The following FAM167A variants were observed in gnomAD, a reference collection of about 807,000 sequenced individuals.
FAM167A encodes the protein protein FAM167A.
In FAM167A, 23 loss-of-function variants were observed where a neutral mutation model predicts 14.9. That is an observed-to-expected ratio of 1.55 (90% CI 1.11 to 2.19). The LOEUF (loss-of-function observed/expected upper bound fraction) is 2.19, where lower values mean the gene tolerates loss of function less well. FAM167A is among the 30% of genes most tolerant of loss of function. FAM167A has a pLI of 0.00. For synonymous variants in FAM167A, 174 were observed against 117.7 expected (o/e 1.48, Z -3.10); for missense variants, 401 against 281.5 (o/e 1.42, Z -3.04).
intron 1 of FAM167A, among the ~76,000 whole-genome samples, chr8:11,463,432 C>G (rs1005799749): frequency 6.6e-6 from 1 of 152,202 alleles, no homozygotes; most frequent in African/African-American, 2.4e-5. Context: ...GGCCACCACC[C>G]TAAGCATGAG....
At chr8:11,472,710 C>T (rs995059523) in intron 1 of FAM167A, among the ~76,000 whole-genome samples, 3 of 152,142 alleles carry the variant, frequency 2.0e-5, no homozygotes, top group South Asian at 2.1e-4. Flanking sequence ...TGAGTAGGAG[C>T]CAGGAGATCC....
intron 1 of FAM167A, among the ~76,000 whole-genome samples, chr8:11,475,086 G>A (rs574265017): frequency 1.7e-3 from 256 of 152,246 alleles, no homozygotes; most frequent in Non-Finnish European, 2.3e-3. Flanking sequence ...TCTCATAAAG[G>A]CCTTGATCCA....
intron 2 of FAM167A, among the ~76,000 whole-genome samples, chr8:11,441,018 T>C (rs2117070754): frequency 6.6e-6 from 1 of 152,312 alleles, no homozygotes; most frequent in East Asian, 1.9e-4. Context: ...TTTTTGCAAG[T>C]TGCTTTCTAA....
intron 2 of FAM167A, among the ~76,000 whole-genome samples, chr8:11,427,362 C>CT (rs1056968557): frequency 5.3e-5 from 8 of 152,328 alleles, no homozygotes; most frequent in African/African-American, 1.9e-4. Context: ...GTAAGCAGCA[C>CT]TTTGTCACTG....
intron 2 of FAM167A, among the ~76,000 whole-genome samples, chr8:11,433,491 G>C (rs1297664844): frequency 6.6e-6 from 1 of 152,180 alleles, no homozygotes; most frequent in African/African-American, 2.4e-5. Flanking sequence ...GGTGAAATAA[G>C]GGCTGTGATG....
At chr8:11,429,650 C>A (rs1274275579) in intron 2 of FAM167A, among the ~76,000 whole-genome samples, 3 of 152,230 alleles carry the variant, frequency 2.0e-5, no homozygotes, top group Admixed American at 1.3e-4. Context: ...CTGGACCACA[C>A]TCGGGCCTGT....
At chr8:11,428,824 A>C (rs142088734) in intron 2 of FAM167A, among the ~76,000 whole-genome samples, 70 of 152,292 alleles carry the variant, frequency 4.6e-4, no homozygotes, top group African/African-American at 1.7e-3. Context: ...CTTAAACACT[A>C]ACTTGAGCCC....
chr8:11,447,967 G>A (rs1255321849), intron 1 of FAM167A, among the ~76,000 whole-genome samples: 11 of 152,144 alleles, frequency 7.2e-5, no homozygotes, highest in Admixed American at 2.0e-4. Flanking sequence ...AGGCCGAGGC[G>A]GGTGGATCAC....
intron 2 of FAM167A, among the ~76,000 whole-genome samples, chr8:11,440,860 G>T (rs956766060): frequency 2.6e-5 from 4 of 152,204 alleles, no homozygotes; most frequent in Admixed American, 6.5e-5. Flanking sequence ...AGTTAAATAG[G>T]TTAATTTTTA....
chr8:11,440,742 T>G (rs981063973), intron 2 of FAM167A, among the ~76,000 whole-genome samples: 3 of 152,200 alleles, frequency 2.0e-5, no homozygotes, highest in Non-Finnish European at 4.4e-5. Context: ...AACAACACAT[T>G]TGCACTTGAG....
chr8:11,455,352 G>A (rs11773929), intron 1 of FAM167A, among the ~76,000 whole-genome samples: 46,751 of 138,260 alleles, frequency 0.34, 8,488 homozygotes, highest in East Asian at 0.65. Flanking sequence ...GTGTATGAGT[G>A]TGAGGAGTGT....
chr8:11,444,343 G>T lies in FAM167A; in HGVS notation c.69C>A (p.Pro23=), dbSNP rs140103747. 4.4e-6 allele frequency: 7 copies of T among 1,606,510 alleles called. No individual in the cohort carries two copies. Among genetic ancestry groups the T allele is most frequent in the Non-Finnish European group, 5.9e-6 (7 of 1,176,638 alleles). Residue 23 remains proline (P), a synonymous_variant, in exon 2 of 3, where the codon CCC becomes CCA. Coordinates refer to ENST00000284486, the MANE Select transcript of FAM167A (RefSeq NM_053279.3). The part of the protein sequence containing the change: ...AEEGAGAAAP[P]DDHLRSLKAL... ...CCTTCAGGCTCCGGAGGTGGTCATC[G>T]GGTGGTGCGGCTGCTCCCGCCCCCT...
intron 2 of FAM167A, among the ~76,000 whole-genome samples, chr8:11,425,693 G>T (rs968160043): frequency 3.3e-5 from 5 of 152,098 alleles, no homozygotes; most frequent in Non-Finnish European, 7.3e-5. Flanking sequence ...TGGAGTTTAG[G>T]CACAGCAGAT....
At chr8:11,443,819 T>G in intron 2 of FAM167A, 1 of 589,498 alleles carries the variant, frequency 1.7e-6, no homozygotes, top group East Asian at 3.1e-5. Context: ...GTGTCTGCAA[T>G]TAGGGGCTGA....
intron 1 of FAM167A, among the ~76,000 whole-genome samples, chr8:11,451,034 A>G (rs1807002122): frequency 6.6e-6 from 1 of 152,236 alleles, no homozygotes; most frequent in Admixed American, 6.5e-5. Flanking sequence ...GGATGAGGTC[A>G]TTTCCATCCA....
At chr8:11,440,103 A>C (rs1039084733) in intron 2 of FAM167A, among the ~76,000 whole-genome samples, 4 of 152,104 alleles carry the variant, frequency 2.6e-5, no homozygotes, top group Non-Finnish European at 5.9e-5. Context: ...CCTTCTGGGG[A>C]CCTGAGCAGC....
intron 1 of FAM167A, among the ~76,000 whole-genome samples, chr8:11,455,104 G>C (rs756486810): frequency 6.6e-6 from 1 of 152,182 alleles, no homozygotes; most frequent in Admixed American, 6.5e-5. Context: ...AGTGCTGCAC[G>C]TGGCAGGGAT....
chr8:11,454,176 G>A (rs1457906507), intron 1 of FAM167A, among the ~76,000 whole-genome samples: 5 of 152,322 alleles, frequency 3.3e-5, no homozygotes, highest in East Asian at 3.9e-4. Flanking sequence ...CCCCGACACC[G>A]TCTGGGTTGC....
At chr8:11,430,198 G>A (rs761368706) in intron 2 of FAM167A, among the ~76,000 whole-genome samples, 2 of 152,228 alleles carry the variant, frequency 1.3e-5, no homozygotes, top group Non-Finnish European at 2.9e-5. Context: ...ATTCTCAGAG[G>A]TGCAGCCTGT....
Sources: allele counts gnomAD v4.1 joint callset (sites outside exome capture counted in the v4.1 genomes callset), GRCh38; gene constraint gnomAD v4.1.1; transcripts MANE v1.5; gene names NCBI Gene and HGNC (gene_info 2026-07-23, HGNC 2026-07-21).